The following ANK3 variants were observed in gnomAD, a reference collection of about 807,000 sequenced individuals.
ANK3 encodes the protein ankyrin-3.
In ANK3, 57 loss-of-function variants were observed where a neutral mutation model predicts 370.9. That is an observed-to-expected ratio of 0.15 (90% CI 0.12 to 0.19). The LOEUF is 0.19. ANK3 is among the 10% of genes least tolerant of loss of function. The probability of loss-of-function intolerance (pLI) is 1.00; values close to 1 mark genes in which losing one functional copy is unlikely to be tolerated. For missense variants in ANK3, 4,439 were observed against 5,302.1 expected, an observed-to-expected ratio of 0.84 and a Z score of 5.06; for synonymous variants, 1,929 against 1,946.3, an observed-to-expected ratio of 0.99 and a Z score of 0.23.
At chr10:60,107,189 TATA>T (rs1357192607) in intron 27 of ANK3, among the ~76,000 whole-genome samples, 1 of 152,206 alleles carries the variant, frequency 6.6e-6, no homozygotes, top group Non-Finnish European at 1.5e-5. Flanking sequence ...AAATAATTTT[TATA>T]ATGCCTTTAT....
intron 25 of ANK3, among the ~76,000 whole-genome samples, chr10:60,123,319 T>C (rs74156407): frequency 0.014 from 2,117 of 152,304 alleles, 51 homozygotes; most frequent in African/African-American, 0.048. Context: ...TGACTAATGA[T>C]GATATCACCG....
chr10:60,448,652 C>T (rs943336812), intron 2 of ANK3, among the ~76,000 whole-genome samples: 1 of 152,258 alleles, frequency 6.6e-6, no homozygotes, highest in Non-Finnish European at 1.5e-5. Flanking sequence ...TTTAGAGCGA[C>T]TCCCCAGTCA....
At chr10:60,033,525 A>AAC (rs1392383129) in intron 43 of ANK3, among the ~76,000 whole-genome samples, 1 of 147,830 alleles carries the variant, frequency 6.8e-6, no homozygotes, top group African/African-American at 2.5e-5. Context: ...AAAAAAAAAA[A>AAC]AAAAAAAAAA....
At chr10:60,030,382 G>A (rs80216175) in intron 43 of ANK3, among the ~76,000 whole-genome samples, 1 of 152,014 alleles carries the variant, frequency 6.6e-6, no homozygotes, top group East Asian at 1.9e-4. Context: ...GACCTCGTGA[G>A]CCGCCCACCT....
At chr10:60,679,256 C>A (rs56695730) in intron 1 of ANK3, among the ~76,000 whole-genome samples, 7,846 of 152,138 alleles carry the variant, frequency 0.052, 281 homozygotes, top group African/African-American at 0.084. Context: ...TGTTACAGTA[C>A]GTAGTTAAGC....
intron 2 of ANK3, among the ~76,000 whole-genome samples, chr10:60,592,435 G>A (rs2077929421): frequency 6.6e-6 from 1 of 152,168 alleles, no homozygotes; most frequent in Admixed American, 6.5e-5. Flanking sequence ...AGATTGGAGA[G>A]GAATCAAGTG....
chr10:60,192,653 A>T (rs2096509631), intron 16 of ANK3, among the ~76,000 whole-genome samples: 1 of 152,156 alleles, frequency 6.6e-6, no homozygotes, highest in African/African-American at 2.4e-5. Context: ...GTGCACATGG[A>T]CATAAAGAGT....
chr10:60,679,798 G>A (rs899452851), intron 1 of ANK3, among the ~76,000 whole-genome samples: 4 of 151,984 alleles, frequency 2.6e-5, no homozygotes, highest in East Asian at 1.9e-4. Context: ...ACTTCCTTTC[G>A]TTCCTGCTCT....
At chr10:60,044,676 C>A (rs1479924779) in intron 42 of ANK3, 1 of 152,154 alleles carries the variant, frequency 6.6e-6, no homozygotes, top group Non-Finnish European at 1.5e-5. Flanking sequence ...AGGATTAGAG[C>A]TCTGATTAGA....
intron 7 of ANK3, among the ~76,000 whole-genome samples, chr10:60,255,977 A>G (rs2097728951): frequency 1.3e-5 from 2 of 151,854 alleles, no homozygotes; most frequent in Admixed American, 1.3e-4. Flanking sequence ...AATGAGATAG[A>G]CTCTGCAACA....
Position 60,070,231 on chromosome 10 carries a change from C to T in ANK3, c.10650G>A (p.Gly3550=). 6.2e-7 allele frequency: 1 copy of T among 1,614,066 alleles called. No homozygotes were observed. Among genetic ancestry groups the T allele is most frequent in the Non-Finnish European group, 8.5e-7 (1 of 1,179,986 alleles). ...ATTTACTGTCAAAAACTTCATCATCCCCTCGGTTATTAGACCAAGGGTCAA... is the reference window on the plus strand; with the variant it reads ...ATTTACTGTCAAAAACTTCATCATCTCCTCGGTTATTAGACCAAGGGTCAA... ...LDFDPWSNNR[G]DDEVFDSKSR... The change falls in exon 37 of 44, where the codon GGG becomes GGA. Residue 3550 remains glycine (G), a synonymous_variant. Coordinates refer to ENST00000280772, the MANE Select transcript of ANK3 (RefSeq NM_020987.5). This position sits in a 1 kb window ranked among gnomAD's most constrained non-coding sequence, Gnocchi z 5.7.
chr10:60,085,895 G>A (rs1447730807), intron 30 of ANK3, among the ~76,000 whole-genome samples: 12 of 152,156 alleles, frequency 7.9e-5, no homozygotes, highest in South Asian at 2.1e-4. Flanking sequence ...GATTACAGGC[G>A]TGAGCCACCG....
intron 2 of ANK3, among the ~76,000 whole-genome samples, chr10:60,521,749 A>T (rs1187061312): frequency 1.3e-5 from 2 of 152,056 alleles, no homozygotes; most frequent in African/African-American, 4.8e-5. Flanking sequence ...TTGTAATGTA[A>T]TTGATCAAAG....
chr10:60,444,999 G>C (rs1198227671), intron 2 of ANK3, among the ~76,000 whole-genome samples: 6 of 152,298 alleles, frequency 3.9e-5, no homozygotes, highest in African/African-American at 1.4e-4. Flanking sequence ...GTAAGAGAAA[G>C]TCATTAGTGT....
intron 2 of ANK3, among the ~76,000 whole-genome samples, chr10:60,565,096 G>C (rs2077426581): frequency 6.6e-6 from 1 of 152,032 alleles, no homozygotes; most frequent in African/African-American, 2.4e-5. Context: ...CGAGATAAAT[G>C]ATGGTACAAA....
At chr10:60,650,768 A>G (rs1346265879) in intron 1 of ANK3, among the ~76,000 whole-genome samples, 1 of 152,170 alleles carries the variant, frequency 6.6e-6, no homozygotes, top group Admixed American at 6.6e-5. Flanking sequence ...TTTCAAATAA[A>G]CTGTCATGAA....
At chr10:60,297,175 G>C (rs897277905) in intron 1 of ANK3, among the ~76,000 whole-genome samples, 1 of 152,098 alleles carries the variant, frequency 6.6e-6, no homozygotes, top group Non-Finnish European at 1.5e-5. Context: ...AACATATCCA[G>C]ATTCTGAAAA....
chr10:60,436,083 C>T (rs1053230368), intron 2 of ANK3, among the ~76,000 whole-genome samples: 3 of 102,228 alleles, frequency 2.9e-5, no homozygotes, highest in East Asian at 3.7e-4. Context: ...AACGAGACTC[C>T]GTCTCAAAAA....
intron 2 of ANK3, among the ~76,000 whole-genome samples, chr10:60,468,612 A>G (rs570050598): frequency 1.3e-5 from 2 of 152,184 alleles, no homozygotes; most frequent in African/African-American, 4.8e-5. Flanking sequence ...ATTCATACAC[A>G]AGGATATTCT....
Sources: allele counts gnomAD v4.1 joint callset (sites outside exome capture counted in the v4.1 genomes callset), GRCh38; gene constraint gnomAD v4.1.1; non-coding constraint Gnocchi (gnomAD v3.1); transcripts MANE v1.5; gene names NCBI Gene and HGNC (gene_info 2026-07-23, HGNC 2026-07-21).